NCKAP5: variants seen among roughly 807,000 people sequenced by gnomAD.
The protein encoded by NCKAP5 is NCK associated protein 5, also known as nck-associated protein 5.
A neutral mutation model predicts 167.0 loss-of-function variants in NCKAP5; 92 were observed. The observed-to-expected ratio is 0.55, with a 90% CI of 0.47 to 0.66. The LOEUF (loss-of-function observed/expected upper bound fraction) is 0.66, where lower values mean the gene tolerates loss of function less well. NCKAP5 is among the 30% of genes least tolerant of loss of function. The pLI is 0.00. For missense variants in NCKAP5, 2,378 were observed against 2,315.0 expected, an observed-to-expected ratio of 1.03 and a Z score of -0.56; for synonymous variants, 891 against 877.4, an observed-to-expected ratio of 1.02 and a Z score of -0.27.
chr2:133,109,713 A>G (rs1360644898), intron 6 of NCKAP5, among the ~76,000 whole-genome samples: 1 of 152,148 alleles, frequency 6.6e-6, no homozygotes, highest in Non-Finnish European at 1.5e-5. Flanking sequence ...GATTAAAAGT[A>G]TCAAGAATTT....
rs181682115 is a variant in NCKAP5, at chr2:132,976,324, G to A, written c.430-12455C>T. 5.5e-3 allele frequency among the ~76,000 whole-genome samples: 834 copies of A among 152,198 alleles called. 4 individuals carry two copies. Among genetic ancestry groups the A allele is most frequent in the South Asian group, 0.022 (108 of 4,828 alleles). On this transcript the variant is annotated intron_variant, in intron 7 of 19. Transcript: ENST00000409261. ...TCACATCTGTAATCCCAGCACTTTG[G>A]GAGGCCAAGGCGGGTGGATCATGAG...
chr2:133,049,729 T>A (rs2079540218), intron 6 of NCKAP5, among the ~76,000 whole-genome samples: 1 of 152,078 alleles, frequency 6.6e-6, no homozygotes, highest in South Asian at 2.1e-4. Context: ...ATCCTGCTCA[T>A]CTCCGTCACC....
chr2:133,501,104 C>T (rs2151386401), intron 3 of NCKAP5, among the ~76,000 whole-genome samples: 1 of 152,282 alleles, frequency 6.6e-6, no homozygotes, highest in Non-Finnish European at 1.5e-5. Context: ...ATTACAAAGA[C>T]AAGAAGGTAC....
the NCKAP5 span, among the ~76,000 whole-genome samples, chr2:133,642,930 A>G: frequency 6.6e-6 from 1 of 152,224 alleles, no homozygotes; most frequent in African/African-American, 2.4e-5. Flanking sequence ...TTTGCTCACA[A>G]TATCTTTTTT....
chr2:132,792,465 G>T (rs1169162582), intron 12 of NCKAP5, among the ~76,000 whole-genome samples: 1 of 152,226 alleles, frequency 6.6e-6, no homozygotes, highest in Non-Finnish European at 1.5e-5. Context: ...CCTGGAATGT[G>T]CACTGAACAA....
At chr2:133,102,424 G>T (rs1245166872) in intron 6 of NCKAP5, among the ~76,000 whole-genome samples, 7 of 152,168 alleles carry the variant, frequency 4.6e-5, no homozygotes, top group Non-Finnish European at 1.5e-5. Flanking sequence ...TGGGATTACA[G>T]GCATGAGCCA....
chr2:133,325,623 A>G (rs1682381387), intron 3 of NCKAP5, among the ~76,000 whole-genome samples: 1 of 152,168 alleles, frequency 6.6e-6, no homozygotes, highest in African/African-American at 2.4e-5. Flanking sequence ...GAGTACATCA[A>G]GCCCCCTTCC....
intron 9 of NCKAP5, among the ~76,000 whole-genome samples, chr2:132,869,799 C>T (rs1690657450): frequency 6.6e-6 from 1 of 152,178 alleles, no homozygotes; most frequent in Admixed American, 6.6e-5. Context: ...CTGACAACAA[C>T]AGTCACATAT....
intron 17 of NCKAP5, 32 bp from the exon 18 acceptor site, chr2:132,728,984 T>C (rs142802810): frequency 6.2e-7 from 1 of 1,607,676 alleles, no homozygotes; most frequent in South Asian, 1.1e-5. Flanking sequence ...GAATCACATA[T>C]CACCTTTCAT....
chr2:132,714,583 C>T (rs544053094), intron 19 of NCKAP5, among the ~76,000 whole-genome samples: 5 of 151,810 alleles, frequency 3.3e-5, no homozygotes, highest in Admixed American at 2.6e-4. Context: ...TTTGGGAAGC[C>T]GAGGCTGGCG....
At chr2:133,175,635 T>C (rs559338493) in intron 5 of NCKAP5, among the ~76,000 whole-genome samples, 2 of 152,330 alleles carry the variant, frequency 1.3e-5, no homozygotes, top group South Asian at 2.1e-4. Flanking sequence ...ACTCCAATAG[T>C]ATATATTTCA....
At chr2:132,747,137 G>A (rs1458419508) in intron 16 of NCKAP5, among the ~76,000 whole-genome samples, 7 of 146,094 alleles carry the variant, frequency 4.8e-5, no homozygotes, top group Admixed American at 2.8e-4. Context: ...ATACCTCCAT[G>A]AACCTGCTTT....
rs28521531 is a variant in NCKAP5 at position 132,755,225 on chromosome 2, A to T, written c.5128+18591T>A. ...GGATGAAGGCACTGAATGGGTAGCA[A>T]GTTGAAGTGAGATATTGCATGTGCC... On this transcript the variant is annotated intron_variant, in intron 16 of 19. Transcript: ENST00000409261. 6.2e-3 allele frequency among the ~76,000 whole-genome samples: 943 copies of T among 152,302 alleles called. 9 individuals are homozygous for T. The highest frequency in any genetic ancestry group is 0.022 in the African/African-American group (909 of 41,576).
intron 6 of NCKAP5, among the ~76,000 whole-genome samples, chr2:132,995,614 G>A (rs939442067): frequency 3.3e-5 from 5 of 150,836 alleles, no homozygotes; most frequent in South Asian, 4.2e-4. Flanking sequence ...TCACACCACC[G>A]CACTCCAGCC....
At chr2:133,638,795 T>G in the NCKAP5 span, among the ~76,000 whole-genome samples, 1 of 150,356 alleles carries the variant, frequency 6.7e-6, no homozygotes, top group African/African-American at 2.5e-5. Flanking sequence ...GGGGCAGAAG[T>G]TGCACTGAGC....
intron 7 of NCKAP5, among the ~76,000 whole-genome samples, chr2:132,982,038 C>A (rs2077154855): frequency 6.6e-6 from 1 of 152,076 alleles, no homozygotes; most frequent in African/African-American, 2.4e-5. Flanking sequence ...AAGCTTTAGG[C>A]TTACGAAAGG....
chr2:133,290,256 A>AC (rs1559355615), intron 4 of NCKAP5, among the ~76,000 whole-genome samples: 5 of 152,332 alleles, frequency 3.3e-5, no homozygotes, highest in East Asian at 1.9e-4. Flanking sequence ...TGGAAAAAAA[A>AC]ACACACAATA....
At chr2:133,657,498 G>A in the NCKAP5 span, among the ~76,000 whole-genome samples, 1 of 152,144 alleles carries the variant, frequency 6.6e-6, no homozygotes, top group East Asian at 1.9e-4. Flanking sequence ...CTCTCCTCCT[G>A]TTCCTTAGGA....
chr2:133,113,586 G>C (rs1007329577), intron 6 of NCKAP5, among the ~76,000 whole-genome samples: 7 of 152,152 alleles, frequency 4.6e-5, no homozygotes, highest in African/African-American at 1.7e-4. Context: ...TGCATCATGG[G>C]GTTATGCCCA....
Sources: allele counts gnomAD v4.1 joint callset (sites outside exome capture counted in the v4.1 genomes callset), GRCh38; gene constraint gnomAD v4.1.1; transcripts MANE v1.5; gene names NCBI Gene and HGNC (gene_info 2026-07-23, HGNC 2026-07-21).